The following RGS7 variants were observed in gnomAD, a reference collection of about 807,000 sequenced individuals.
RGS7 encodes regulator of G protein signaling 7.
A neutral mutation model predicts 81.1 loss-of-function variants in RGS7; 27 were observed. The observed-to-expected ratio is 0.33, with a 90% CI of 0.25 to 0.46. The LOEUF is 0.46. RGS7 is among the 20% of genes least tolerant of loss of function. The pLI, the probability that RGS7 is intolerant of heterozygous loss-of-function variation, is 1.00. For missense variants in RGS7, 396 were observed against 607.4 expected (o/e 0.65, Z 3.66); for synonymous variants, 208 against 207.7 (o/e 1.00, Z -0.01).
intron 6 of RGS7, among the ~76,000 whole-genome samples, chr1:240,911,001 C>A (rs779152708): frequency 6.6e-6 from 1 of 152,050 alleles, no homozygotes. Flanking sequence ...TCATACCTGG[C>A]CAATTAAAAA....
intron 4 of RGS7, among the ~76,000 whole-genome samples, chr1:240,967,092 C>T (rs528057349): frequency 1.3e-5 from 2 of 152,284 alleles, no homozygotes; most frequent in South Asian, 4.1e-4. Context: ...TGGGACAGCC[C>T]ATGCCCCTGT....
At chr1:241,072,316 G>A (rs923339289) in intron 3 of RGS7, among the ~76,000 whole-genome samples, 35 of 152,208 alleles carry the variant, frequency 2.3e-4, no homozygotes, top group African/African-American at 8.2e-4. Context: ...CGTTGGAACC[G>A]TGTCTGGGCA....
intron 3 of RGS7, among the ~76,000 whole-genome samples, chr1:241,033,035 C>G (rs785544): frequency 2.0e-5 from 3 of 151,816 alleles, no homozygotes; most frequent in African/African-American, 4.8e-5. Flanking sequence ...ATTCTTCTTA[C>G]GGAAAAGTGG....
intron 3 of RGS7, among the ~76,000 whole-genome samples, chr1:241,038,850 C>T (rs1326014978): frequency 1.3e-5 from 2 of 152,046 alleles, no homozygotes; most frequent in Non-Finnish European, 2.9e-5. Flanking sequence ...ATTTGTAGTC[C>T]TAGCTACCCA....
intron 2 of RGS7, among the ~76,000 whole-genome samples, chr1:241,277,129 C>G (rs566889023): frequency 6.6e-6 from 1 of 152,154 alleles, no homozygotes; most frequent in African/African-American, 2.4e-5. Flanking sequence ...TAGCTATGTA[C>G]TCTCCTATTG....
At chr1:241,354,521 T>TA (rs1311424449) in intron 2 of RGS7, among the ~76,000 whole-genome samples, 18 of 152,182 alleles carry the variant, frequency 1.2e-4, no homozygotes, top group Non-Finnish European at 2.4e-4. Context: ...AGGACGCCTG[T>TA]GCATCTTTCC....
At chr1:240,988,321 TA>T (rs927492754) in intron 3 of RGS7, among the ~76,000 whole-genome samples, 4 of 151,738 alleles carry the variant, frequency 2.6e-5, no homozygotes, top group African/African-American at 9.7e-5. Context: ...CAATTTAATT[TA>T]AAACACGGCA....
intron 2 of RGS7, among the ~76,000 whole-genome samples, chr1:241,344,114 G>A (rs1573770871): frequency 1.3e-5 from 2 of 152,164 alleles, no homozygotes; most frequent in Non-Finnish European, 1.5e-5. Context: ...GGGGCATAGA[G>A]GAAGTGGGGA....
At chr1:240,949,594 TC>T (rs1679209321) in intron 4 of RGS7, among the ~76,000 whole-genome samples, 1 of 152,102 alleles carries the variant, frequency 6.6e-6, no homozygotes, top group African/African-American at 2.4e-5. Flanking sequence ...ACGCCTGTAA[TC>T]CCAGCATTTT....
At chr1:240,817,274 T>C (rs1000503418) in intron 10 of RGS7, among the ~76,000 whole-genome samples, 2 of 152,140 alleles carry the variant, frequency 1.3e-5, no homozygotes, top group African/African-American at 2.4e-5. Flanking sequence ...ATTTAATGTG[T>C]GTTATTGAGC....
At chr1:241,069,234 A>G (rs186522773) in intron 3 of RGS7, among the ~76,000 whole-genome samples, 135 of 152,348 alleles carry the variant, frequency 8.9e-4, no homozygotes, top group Middle Eastern at 6.8e-3. Context: ...AGAGATATAT[A>G]GGTGTGTTTT....
intron 9 of RGS7, among the ~76,000 whole-genome samples, chr1:240,856,966 C>T (rs987779981): frequency 4.6e-5 from 7 of 152,088 alleles, no homozygotes; most frequent in African/African-American, 1.7e-4. Flanking sequence ...AAGTAGAGAA[C>T]CAATACATGG....
intron 2 of RGS7, among the ~76,000 whole-genome samples, chr1:241,235,626 C>CCCTTT (rs1171535920): frequency 1.2e-4 from 16 of 131,586 alleles, no homozygotes; most frequent in African/African-American, 3.4e-4. Context: ...TTTCCCTTTT[C>CCCTTT]TCTCTTTTTT....
At chr1:240,817,085 C>A (rs369074055) in intron 10 of RGS7, among the ~76,000 whole-genome samples, 1 of 152,270 alleles carries the variant, frequency 6.6e-6, no homozygotes, top group East Asian at 1.9e-4. Flanking sequence ...AGACCTACTA[C>A]TTAGGAAGAC....
At chr1:240,932,946 C>G (rs261860) in intron 5 of RGS7, among the ~76,000 whole-genome samples, 59,249 of 125,414 alleles carry the variant, frequency 0.47, 11,441 homozygotes, top group East Asian at 0.67. Flanking sequence ...TGCAGTGGCG[C>G]GATCTCGGCT....
intron 2 of RGS7, among the ~76,000 whole-genome samples, chr1:241,255,597 A>C (rs1199692155): frequency 2.6e-5 from 4 of 152,210 alleles, no homozygotes; most frequent in African/African-American, 9.6e-5. Flanking sequence ...GTCAGCATTT[A>C]GGGAGCCCAC....
chr1:241,334,966 G>A (rs74150267), intron 2 of RGS7, among the ~76,000 whole-genome samples: 4,541 of 152,236 alleles, frequency 0.03, 154 homozygotes, highest in African/African-American at 0.08. Context: ...TTAATGTTCT[G>A]AACAATCAAA....
At chr1:241,355,579 C>A (rs2083510627) in intron 2 of RGS7, 120 bp downstream of exon 2, 2 of 860,892 alleles carry the variant, frequency 2.3e-6, no homozygotes, top group Admixed American at 3.5e-5. Flanking sequence ...AGTACATAAT[C>A]ACTGATGATC....
chr1:241,194,264 G>A, intron 2 of RGS7, among the ~76,000 whole-genome samples: 1 of 152,024 alleles, frequency 6.6e-6, no homozygotes, highest in Admixed American at 6.6e-5. Flanking sequence ...AAATTATATT[G>A]AGAAAAGACA....
Sources: allele counts gnomAD v4.1 joint callset (sites outside exome capture counted in the v4.1 genomes callset), GRCh38; gene constraint gnomAD v4.1.1; transcripts MANE v1.5; gene names NCBI Gene and HGNC (gene_info 2026-07-23, HGNC 2026-07-21).